SHANK2: variants seen among roughly 807,000 people sequenced by gnomAD.
SHANK2 encodes the protein SH3 and multiple ankyrin repeat domains protein 2.
SHANK2 carries 43 observed loss-of-function variants against 133.7 expected under a neutral mutation model. The observed-to-expected ratio is 0.32, with a 90% CI of 0.25 to 0.41. SHANK2 has a LOEUF of 0.41. Among genes scored for constraint, SHANK2 ranks in the 10% least tolerant of loss-of-function variants. The pLI, the probability that SHANK2 is intolerant of heterozygous loss-of-function variation, is 1.00. For synonymous variants in SHANK2, 1,017 were observed against 952.8 expected (o/e 1.07, Z -1.24); for missense variants, 1,994 against 2,235.8 (o/e 0.89, Z 2.18).
chr11:71,067,664 A>G (rs1420609578), intron 9 of SHANK2, among the ~76,000 whole-genome samples: 3 of 152,158 alleles, frequency 2.0e-5, no homozygotes, highest in Non-Finnish European at 4.4e-5. Context: ...GGCTTGTTAC[A>G]GGAATATCGT....
At chr11:71,248,554 C>T (rs1954993143) in intron 1 of SHANK2, among the ~76,000 whole-genome samples, 1 of 152,184 alleles carries the variant, frequency 6.6e-6, no homozygotes, top group African/African-American at 2.4e-5. Context: ...TCGGAGCTGG[C>T]TCATTGGACT....
intron 2 of SHANK2, among the ~76,000 whole-genome samples, chr11:71,176,379 G>A (rs988821234): frequency 1.3e-5 from 2 of 152,082 alleles, no homozygotes; most frequent in Non-Finnish European, 2.9e-5. Flanking sequence ...TATCACACAT[G>A]CAAAGAAGAA....
At chr11:71,187,458 A>G (rs1166591239) in intron 2 of SHANK2, among the ~76,000 whole-genome samples, 3 of 151,954 alleles carry the variant, frequency 2.0e-5, no homozygotes, top group African/African-American at 7.3e-5. Context: ...TGTTTTATTC[A>G]GGACACTTCA....
intron 2 of SHANK2, among the ~76,000 whole-genome samples, chr11:71,217,135 T>C (rs1954429975): frequency 6.6e-6 from 1 of 151,568 alleles, no homozygotes; most frequent in African/African-American, 2.4e-5. Flanking sequence ...GGGTAGAAGA[T>C]GAAGTGAGTC....
intron 25 of SHANK2, among the ~76,000 whole-genome samples, chr11:70,481,380 C>G (rs2135707200): frequency 6.6e-6 from 1 of 152,306 alleles, no homozygotes; most frequent in African/African-American, 2.4e-5. Flanking sequence ...CCAAGGAAAA[C>G]AAGGATCTAG....
chr11:70,846,124 C>T (rs1336769135), intron 11 of SHANK2, among the ~76,000 whole-genome samples: 2 of 152,088 alleles, frequency 1.3e-5, no homozygotes, highest in African/African-American at 4.8e-5. Context: ...TGGGACAGCA[C>T]CCCCAGGCAA....
intron 2 of SHANK2, among the ~76,000 whole-genome samples, chr11:71,152,276 C>T (rs1465418983): frequency 2.0e-5 from 3 of 152,088 alleles, no homozygotes; most frequent in East Asian, 1.9e-4. Context: ...CCATGCCTTG[C>T]GAATTTTTTG....
At chr11:71,162,306 G>A (rs1953037556) in intron 2 of SHANK2, among the ~76,000 whole-genome samples, 1 of 152,168 alleles carries the variant, frequency 6.6e-6, no homozygotes, top group East Asian at 1.9e-4. Context: ...ATGGTGAGAG[G>A]GTGAGATCAT....
intron 17 of SHANK2, among the ~76,000 whole-genome samples, chr11:70,524,455 A>G (rs1554971750): frequency 6.6e-6 from 1 of 152,222 alleles, no homozygotes; most frequent in Non-Finnish European, 1.5e-5. Context: ...AACCCCAGAC[A>G]CTCGGATGCA....
chr11:71,056,708 T>C (rs1391287775), intron 9 of SHANK2, 150 bp from the exon 10 acceptor site: 1 of 152,238 alleles, frequency 6.6e-6, no homozygotes, highest in Non-Finnish European at 1.5e-5. Flanking sequence ...CTGGCTCCTG[T>C]ATGCTGTCAG....
chr11:71,102,285 C>T (rs1203488858), intron 6 of SHANK2, among the ~76,000 whole-genome samples: 1 of 151,758 alleles, frequency 6.6e-6, no homozygotes, highest in African/African-American at 2.4e-5. Context: ...CTACTTTTAT[C>T]ATTGTTACTT....
chr11:70,823,756 T>G (rs1314336811), intron 11 of SHANK2, among the ~76,000 whole-genome samples: 1 of 115,894 alleles, frequency 8.6e-6, no homozygotes, highest in African/African-American at 3.3e-5. Flanking sequence ...GTTGGCAGCG[T>G]TCATGGGGGA....
At chr11:70,682,231 T>A (rs939110055) in intron 15 of SHANK2, among the ~76,000 whole-genome samples, 2 of 152,158 alleles carry the variant, frequency 1.3e-5, no homozygotes, top group African/African-American at 2.4e-5. Flanking sequence ...CCAGGGGACA[T>A]GCTGGGTCCA....
Position 70,487,389 on chromosome 11 carries a change from A to C in SHANK2, c.2904T>G (p.Ser968Arg). 3.1e-6 allele frequency: 5 copies of C among 1,613,852 alleles called. No individual in the cohort carries two copies. The highest frequency in any genetic ancestry group is 4.2e-6 in the Non-Finnish European group (5 of 1,179,984). The change falls in exon 25 of 26, where the codon AGT becomes AGG. Residue 968 changes from serine to arginine, a missense_variant. Physicochemically the swap from Ser to Arg is moderately radical, Grantham distance 110. Around this residue, in one of 5 missense-constraint regions of SHANK2, gnomAD observed 488 missense variants for 642.6 expected, o/e 0.76. Coordinates refer to ENST00000601538, the MANE Select transcript of SHANK2 (RefSeq NM_012309.5). This position sits in a 1 kb window ranked among gnomAD's most constrained non-coding sequence, Gnocchi z 5.8. ...RYSLDSEDLY[S>R]RNAGPQANFR... ...AGTTGGCTTGCGGGCCGGCATTCCG[A>C]CTGTAGAGGTCTTCAGAGTCCAAGG...
chr11:71,236,737 C>CT (rs780330706), intron 1 of SHANK2, among the ~76,000 whole-genome samples: 114 of 152,304 alleles, frequency 7.5e-4, no homozygotes, highest in Non-Finnish European at 1.4e-3. Flanking sequence ...CCTTTGACTG[C>CT]TTTTTTGGAG....
chr11:70,772,035 G>A (rs932716826), intron 14 of SHANK2, among the ~76,000 whole-genome samples: 6 of 152,134 alleles, frequency 3.9e-5, no homozygotes, highest in African/African-American at 1.2e-4. Flanking sequence ...GTGAGACCCC[G>A]GGCAAAATGA....
intron 14 of SHANK2, among the ~76,000 whole-genome samples, chr11:70,717,572 C>T (rs934912644): frequency 1.8e-4 from 28 of 152,326 alleles, no homozygotes; most frequent in African/African-American, 5.3e-4. Context: ...TCTCACCAAG[C>T]GCCGGCAGGA....
chr11:70,473,519 C>T lies in SHANK2; in HGVS notation c.4980-80G>A, dbSNP rs1471427825. The T allele has an allele frequency of 9.1e-5, 128 of 1,407,102 alleles. No homozygotes were observed. The highest frequency in any genetic ancestry group is 1.8e-4 in the Admixed American group (10 of 56,402). 87.2% of individuals were successfully genotyped at this position (1,407,102 alleles called of 1,614,324 possible). ...GCTGGCTGCAGATCACCCAGGAAGG[C>T]GAGGGAGACGCCCAAACCATGCCAG... On this transcript the variant is annotated intron_variant, in intron 25 of 25. Transcript: ENST00000601538. The surrounding 1 kb of genome is among the most constrained non-coding windows in gnomAD (Gnocchi z 5.9).
At chr11:70,547,565 G>C (rs1036595546) in intron 17 of SHANK2, among the ~76,000 whole-genome samples, 1 of 152,022 alleles carries the variant, frequency 6.6e-6, no homozygotes, top group Non-Finnish European at 1.5e-5. Context: ...CTGTCCTATC[G>C]CTTTAACTTC....
Sources: allele counts gnomAD v4.1 joint callset (sites outside exome capture counted in the v4.1 genomes callset), GRCh38; gene constraint gnomAD v4.1.1; regional missense constraint gnomAD v4.1.1; non-coding constraint Gnocchi (gnomAD v3.1); transcripts MANE v1.5; gene names NCBI Gene and HGNC (gene_info 2026-07-23, HGNC 2026-07-21).